Variants in ATP13A3 observed in about 807,000 individuals in gnomAD.
The protein encoded by ATP13A3 is polyamine-transporting ATPase 13A3.
Under a neutral mutation model 158.1 loss-of-function variants are expected in ATP13A3, and 59 were observed. The ratio of observed to expected loss-of-function variants is 0.37; its 90% CI spans 0.30 to 0.46. The LOEUF is 0.46. Ranked by LOEUF, ATP13A3 falls within the 20% of genes least tolerant of loss-of-function variation. The pLI is 1.00. For synonymous variants in ATP13A3, 491 were observed against 504.3 expected (o/e 0.97, Z 0.35); for missense variants, 1,166 against 1,525.2 (o/e 0.76, Z 3.92).
intron 2 of ATP13A3, among the ~76,000 whole-genome samples, chr3:194,476,764 T>C (rs1416122498): frequency 1.4e-5 from 2 of 143,340 alleles, no homozygotes; most frequent in Non-Finnish European, 2.9e-5. Context: ...AAGTAAGTTG[T>C]TGTTTTTTTT....
chr3:194,428,969 G>A, intron 27 of ATP13A3, 52 bp from the exon 28 acceptor site: 1 of 1,248,962 alleles, frequency 8.0e-7, no homozygotes, highest in Non-Finnish European at 1.1e-6. Context: ...TATTTTTATA[G>A]CGTCCCCAGG....
chr3:194,475,427 G>A (rs1720483178), intron 2 of ATP13A3, among the ~76,000 whole-genome samples: 1 of 152,110 alleles, frequency 6.6e-6, no homozygotes, highest in Non-Finnish European at 1.5e-5. Context: ...GTAAAATCCT[G>A]CAAATGTATA....
chr3:194,425,925 T>C, intron 29 of ATP13A3, among the ~76,000 whole-genome samples: 1 of 152,226 alleles, frequency 6.6e-6, no homozygotes, highest in Non-Finnish European at 1.5e-5. Context: ...TAAATGTTGG[T>C]ACCTACATCA....
intron 31 of ATP13A3, among the ~76,000 whole-genome samples, chr3:194,415,268 C>A (rs993459797): frequency 2.0e-5 from 3 of 152,130 alleles, no homozygotes; most frequent in African/African-American, 7.2e-5. Context: ...AAGAGGCTAA[C>A]GGCCTTGCTG....
intron 6 of ATP13A3, among the ~76,000 whole-genome samples, chr3:194,457,407 T>C (rs1719307881): frequency 1.3e-5 from 2 of 152,204 alleles, no homozygotes; most frequent in South Asian, 4.1e-4. Flanking sequence ...ATATGTTTAT[T>C]GCAGGATAGA....
chr3:194,469,246 C>T (rs1017793544), intron 2 of ATP13A3, among the ~76,000 whole-genome samples: 1 of 150,932 alleles, frequency 6.6e-6, no homozygotes, highest in African/African-American at 2.4e-5. Flanking sequence ...TCACATGAGG[C>T]CAGGAGTTTG....
At chr3:194,476,902 G>A (rs997001942) in intron 2 of ATP13A3, among the ~76,000 whole-genome samples, 1 of 152,064 alleles carries the variant, frequency 6.6e-6, no homozygotes, top group African/African-American at 2.4e-5. Context: ...GGGCGGAAGG[G>A]AGCCTCAACT....
At chr3:194,455,145 CAAAGG>C (rs942687999) in intron 8 of ATP13A3, among the ~76,000 whole-genome samples, 13 of 152,206 alleles carry the variant, frequency 8.5e-5, no homozygotes, top group African/African-American at 3.1e-4. Flanking sequence ...AACTGGAGGT[CAAAGG>C]AAAGACAAAT....
At chr3:194,430,252 A>C (rs1717120613) in intron 25 of ATP13A3, 21 bp downstream of exon 25, 2 of 1,613,588 alleles carry the variant, frequency 1.2e-6, no homozygotes, top group African/African-American at 1.3e-5. Flanking sequence ...TATAAAACTA[A>C]ATCACAAAAA....
chr3:194,488,246 GGT>G (rs1721082589), upstream of ATP13A3: 1 of 152,234 alleles, frequency 6.6e-6, no homozygotes, highest in Non-Finnish European at 1.5e-5. The surrounding 1 kb of genome is among the most constrained non-coding windows in gnomAD (Gnocchi z 4.1). Flanking sequence ...GAGATTAAGG[GGT>G]GTGTGGTAGT....
chr3:194,455,109 A>G (rs1317733886), intron 8 of ATP13A3, among the ~76,000 whole-genome samples: 2 of 152,242 alleles, frequency 1.3e-5, no homozygotes, highest in African/African-American at 4.8e-5. Flanking sequence ...AACTCAAAAC[A>G]CAAATTTACT....
chr3:194,440,610 T>C (rs1052971918), intron 16 of ATP13A3, among the ~76,000 whole-genome samples: 2 of 152,086 alleles, frequency 1.3e-5, no homozygotes, highest in Non-Finnish European at 2.9e-5. Context: ...AATTACCAAA[T>C]CAGATCTTCA....
chr3:194,444,872 A>G (rs1388752035), intron 14 of ATP13A3, 86 bp from the exon 15 acceptor site: 2 of 1,017,068 alleles, frequency 2.0e-6, no homozygotes, highest in Non-Finnish European at 2.9e-6. Flanking sequence ...GCAACCACAC[A>G]GCATTAGAAA....
At chr3:194,449,456 G>A (rs1718648988) in intron 11 of ATP13A3, among the ~76,000 whole-genome samples, 2 of 152,132 alleles carry the variant, frequency 1.3e-5, no homozygotes, top group Admixed American at 1.3e-4. Flanking sequence ...AAGGTGGATG[G>A]ATCACCTGAG....
Position 194,494,219 on chromosome 3 carries a change from C to T in ATP13A3, n.577G>A. On this transcript the variant is annotated non_coding_transcript_exon_variant, in exon 2 of 33. Transcript: ENST00000687055. The surrounding 1 kb of genome is among the most constrained non-coding windows in gnomAD (Gnocchi z 4.2). ...CTTCCACCTCCTCATGAGCCAGGAC[C>T]TTCCTCAGCCACATCTGGATCCTCA... is the stretch of plus-strand genomic sequence containing the variant. 2.5e-6 allele frequency: 1 copy of T among 398,636 alleles called. No individual in the cohort carries two copies. Among genetic ancestry groups the T allele is most frequent in the Non-Finnish European group, 4.4e-6 (1 of 226,100 alleles). The allele number at this position is 398,636 out of a possible 1,614,324, so 24.7% of individuals were successfully genotyped here. A position where few individuals can be genotyped will look rare whatever the true frequency, so the allele number is the denominator to read the frequency against.
upstream of ATP13A3, among the ~76,000 whole-genome samples, chr3:194,490,082 C>G (rs1289147421): frequency 6.6e-6 from 1 of 152,172 alleles, no homozygotes; most frequent in Non-Finnish European, 1.5e-5. The surrounding 1 kb of genome is among the most constrained non-coding windows in gnomAD (Gnocchi z 4.4). Flanking sequence ...CTCAGAAAGG[C>G]TATTTTGCAT....
chr3:194,454,149 T>C, intron 9 of ATP13A3, 109 bp downstream of exon 9: 2 of 1,132,768 alleles, frequency 1.8e-6, no homozygotes, highest in Admixed American at 2.6e-5. Context: ...GCAACTAAAA[T>C]AATGACTGCA....
At chr3:194,477,893 T>C (rs1056440752) in intron 2 of ATP13A3, among the ~76,000 whole-genome samples, 43 of 152,138 alleles carry the variant, frequency 2.8e-4, no homozygotes, top group African/African-American at 7.7e-4. Flanking sequence ...TCTTCTTGGG[T>C]TGAATACCTC....
Position 194,447,926 on chromosome 3 carries a change from A to T in ATP13A3, c.1234T>A (p.Leu412Met), listed in dbSNP as rs768220390. The T allele has an allele frequency of 3.0e-5, 48 of 1,610,452 alleles. No homozygotes were observed. The highest frequency in any genetic ancestry group is 3.8e-5 in the Non-Finnish European group (45 of 1,176,830). Reference sequence around the variant, plus strand: ...ACTGCCACAAGACATAGTAGAAACAAGTAGGCATCTCTGTAGAGTTTAAAA... The same window carrying T: ...ACTGCCACAAGACATAGTAGAAACATGTAGGCATCTCTGTAGAGTTTAAAA... ...TDFKLYRDAY[L>M]FLLCLVAVAG... The change falls in exon 13 of 34, where the codon TTG (leucine) becomes ATG (methionine). Residue 412 changes from leucine (L) to methionine (M), a missense_variant. By Grantham distance (15) the Leu-to-Met change is conservative (BLOSUM62 2). Around this residue, in one of 3 missense-constraint regions of ATP13A3, gnomAD observed 997 missense variants for 1,341.2 expected, o/e 0.74. Transcript: ENST00000645319.
Sources: gnomAD v4.1 joint callset for allele counts (sites outside exome capture counted in the v4.1 genomes callset) on GRCh38, gnomAD v4.1.1 for gene constraint, gnomAD v4.1.1 regional missense constraint, Gnocchi (gnomAD v3.1) non-coding constraint, MANE v1.5 for transcripts, NCBI Gene and HGNC (gene_info 2026-07-23, HGNC 2026-07-21) for gene names.